Variants in SLC9C1 observed in about 807,000 individuals in gnomAD.
The protein encoded by SLC9C1 is sodium/hydrogen exchanger 10.
Under a neutral mutation model 140.9 loss-of-function variants are expected in SLC9C1, and 97 were observed. The ratio of observed to expected loss-of-function variants is 0.69; its 90% confidence interval spans 0.58 to 0.82. SLC9C1 has a LOEUF of 0.82. Ranked by LOEUF, SLC9C1 falls within the 40% of genes least tolerant of loss-of-function variation. SLC9C1 has a pLI of 0.00. For missense variants in SLC9C1, 1,340 were observed against 1,389.3 expected, an observed-to-expected ratio of 0.96 and a Z score of 0.56; for synonymous variants, 440 against 442.6, an observed-to-expected ratio of 0.99 and a Z score of 0.07.
intron 18 of SLC9C1, 135 bp from the exon 19 acceptor site, chr3:112,200,897 C>T (rs1413724834): frequency 6.7e-6 from 5 of 743,092 alleles, no homozygotes; most frequent in East Asian, 5.8e-5. Flanking sequence ...TTCAGGGGTT[C>T]GAATTGAATT....
chr3:112,270,279 A>G (rs2080035761), intron 6 of SLC9C1, among the ~76,000 whole-genome samples: 1 of 152,206 alleles, frequency 6.6e-6, no homozygotes, highest in Non-Finnish European at 1.5e-5. Context: ...ACTGGACCAT[A>G]TGGTAGAGTT....
At chr3:112,150,795 T>TATATATATATAAATACATATAC (rs2074939357) in intron 28 of SLC9C1, among the ~76,000 whole-genome samples, 4 of 43,390 alleles carry the variant, frequency 9.2e-5, no homozygotes, top group African/African-American at 5.1e-4. Context: ...TACATATACA[T>TATATATATATAAATACATATAC]ATATATATAT....
chr3:112,292,570 G>C lies in SLC9C1; in HGVS notation c.-88+1523C>G, dbSNP rs1225888714. ...TCTTTTTTTTGTTTTTTGAGACGGA[G>C]TCATGATCTGTCGCCCAGGCTGGAG... is the stretch of plus-strand genomic sequence containing the variant. On this transcript the variant is annotated intron_variant, in intron 1 of 28. Coordinates refer to ENST00000305815, the MANE Select transcript of SLC9C1 (RefSeq NM_183061.3). Among the ~76,000 whole-genome samples, 4 of 152,134 alleles carry C rather than the reference G, an allele frequency of 2.6e-5. No individual in the cohort carries two copies. The East Asian group carries it at 7.7e-4, about 29-fold the overall frequency.
At chr3:112,250,706 C>G (rs945196325) in intron 10 of SLC9C1, among the ~76,000 whole-genome samples, 1 of 152,122 alleles carries the variant, frequency 6.6e-6, no homozygotes, top group Admixed American at 6.6e-5. Flanking sequence ...CCACCTCACA[C>G]CACTCAGACT....
intron 20 of SLC9C1, among the ~76,000 whole-genome samples, chr3:112,186,484 A>G (rs2077543291): frequency 6.6e-6 from 1 of 152,218 alleles, no homozygotes; most frequent in African/African-American, 2.4e-5. Flanking sequence ...GTGAAGATAT[A>G]TCATGTGAGT....
chr3:112,293,477 A>C (rs919092108), intron 1 of SLC9C1, among the ~76,000 whole-genome samples: 2 of 152,174 alleles, frequency 1.3e-5, no homozygotes. Flanking sequence ...TTCTTCCTTC[A>C]GATTGGAACG....
chr3:112,290,814 CTTT>C (rs11412854), intron 1 of SLC9C1, among the ~76,000 whole-genome samples: 2 of 137,958 alleles, frequency 1.4e-5, no homozygotes, highest in Non-Finnish European at 1.5e-5. Context: ...TCTTTTCCTT[CTTT>C]TTTTTTTTTT....
At position 112,182,142 on chromosome 3, in the gene SLC9C1, G is replaced by A. The variant is rs1177331896; in HGVS notation, c.2640C>T (p.Asn880=). 4 of 1,547,360 alleles carry A rather than the reference G, an allele frequency of 2.6e-6. No homozygotes were observed. In the South Asian group the frequency reaches 5.2e-5, roughly 20 times the overall value. The part of the protein sequence containing the change: ...PWLDKNKDYI[N]FIQEKAKVVT... ...GAAATAAAAGTGTTACCTGAATGAA[G>A]TTTATATAATCTTTGTTTTTATCTA... Residue 880 remains asparagine (N), a synonymous_variant, in exon 21 of 29, where the codon AAC becomes AAT. Coordinates refer to ENST00000305815, the MANE Select transcript of SLC9C1 (RefSeq NM_183061.3).
At chr3:112,234,078 CTAGTT>C (rs2078912075) in intron 12 of SLC9C1, among the ~76,000 whole-genome samples, 3 of 152,184 alleles carry the variant, frequency 2.0e-5, no homozygotes, top group African/African-American at 7.2e-5. Context: ...AATGGTTGAA[CTAGTT>C]TAGAGTCCCA....
chr3:112,226,661 G>T (rs1178675652), intron 13 of SLC9C1, among the ~76,000 whole-genome samples: 2 of 152,038 alleles, frequency 1.3e-5, no homozygotes, highest in Non-Finnish European at 2.9e-5. Context: ...GGTAGAGTTT[G>T]CAGTGAGCCA....
chr3:112,240,048 C>G lies in SLC9C1; in HGVS notation c.1280-42G>C, dbSNP rs1227413019. ...CATTTGATAAATAGTAGAAACACCA[C>G]AATTTTGATATGGGTTAGAAAGCTT... On this transcript the variant is annotated intron_variant, in intron 11 of 28. Coordinates refer to ENST00000305815, the MANE Select transcript of SLC9C1 (RefSeq NM_183061.3). 3 of 1,535,274 alleles carry G rather than the reference C, an allele frequency of 2.0e-6. No homozygotes were observed. The African/African-American group carries it at 4.1e-5, about 21-fold the overall frequency.
intron 28 of SLC9C1, 125 bp downstream of exon 28, chr3:112,151,729 AATC>A: frequency 1.4e-6 from 1 of 718,626 alleles, no homozygotes; most frequent in South Asian, 1.6e-5. Flanking sequence ...TAATTAGAAG[AATC>A]ATCTGACTAG....
At chr3:112,153,904 C>T (rs1294610332) in intron 27 of SLC9C1, among the ~76,000 whole-genome samples, 2 of 152,134 alleles carry the variant, frequency 1.3e-5, no homozygotes, top group Non-Finnish European at 2.9e-5. Flanking sequence ...CAAGAAGTCT[C>T]CAAAATCCTT....
intron 19 of SLC9C1, 64 bp downstream of exon 19, chr3:112,200,647 C>G (rs937485687): frequency 3.4e-6 from 5 of 1,460,326 alleles, no homozygotes; most frequent in East Asian, 2.3e-5. Flanking sequence ...TTATGAAAAC[C>G]ATTGCCTTTC....
chr3:112,155,688 C>A (rs2075108472), intron 26 of SLC9C1, among the ~76,000 whole-genome samples: 1 of 151,970 alleles, frequency 6.6e-6, no homozygotes, highest in South Asian at 2.1e-4. Context: ...GGGAGGCCAC[C>A]AGGTCTTTTA....
At position 112,272,944 on chromosome 3, in the gene SLC9C1, T is replaced by C. The variant is rs377689977; in HGVS notation, c.613+1953A>G. ...TTATTCTTCCTTTTCCTTTCCCTTC[T>C]CCCAACGAGTACCAAAAAAGTTCCC... On this transcript the variant is annotated intron_variant, in intron 6 of 28. Coordinates refer to ENST00000305815, the MANE Select transcript of SLC9C1 (RefSeq NM_183061.3). 5.3e-5 allele frequency among the ~76,000 whole-genome samples: 8 copies of C among 152,086 alleles called. 1 individual carries two copies. The East Asian group carries it at 1.3e-3, about 26-fold the overall frequency.
At chr3:112,215,118 A>T (rs1459666367) in intron 15 of SLC9C1, among the ~76,000 whole-genome samples, 2 of 152,364 alleles carry the variant, frequency 1.3e-5, no homozygotes, top group East Asian at 1.9e-4. Flanking sequence ...TCACATGATT[A>T]TCTCAATAGA....
intron 28 of SLC9C1, among the ~76,000 whole-genome samples, chr3:112,143,600 AT>A (rs1042839196): frequency 1.3e-5 from 2 of 151,892 alleles, no homozygotes; most frequent in African/African-American, 4.8e-5. Flanking sequence ...TGCTTGTTCA[AT>A]TGTTTAAGTT....
At chr3:112,164,817 C>A (rs1476984276) in intron 26 of SLC9C1, among the ~76,000 whole-genome samples, 1 of 152,034 alleles carries the variant, frequency 6.6e-6, no homozygotes, top group Admixed American at 6.5e-5. Context: ...TGAATGTTGG[C>A]TGCCCTGCTA....
Sources: gnomAD v4.1 joint callset for allele counts (sites outside exome capture counted in the v4.1 genomes callset) on GRCh38, gnomAD v4.1.1 for gene constraint, MANE v1.5 for transcripts, NCBI Gene and HGNC (gene_info 2026-07-23, HGNC 2026-07-21) for gene names.